The following KCTD3 variants were observed in gnomAD, a reference collection of about 807,000 sequenced individuals.
KCTD3 encodes the protein BTB/POZ domain-containing protein KCTD3.
A neutral mutation model predicts 85.8 loss-of-function variants in KCTD3; 41 were observed. That is an observed-to-expected ratio of 0.48 (90% CI 0.37 to 0.62). The LOEUF (loss-of-function observed/expected upper bound fraction) is 0.62, where lower values mean the gene tolerates loss of function less well. Ranked by LOEUF, KCTD3 falls within the 20% of genes least tolerant of loss-of-function variation. The pLI, the probability that KCTD3 is intolerant of heterozygous loss-of-function variation, is 0.00. For synonymous variants in KCTD3, 338 were observed against 345.4 expected, an observed-to-expected ratio of 0.98 and a Z score of 0.24; for missense variants, 724 against 989.9, an observed-to-expected ratio of 0.73 and a Z score of 3.60.
intron 14 of KCTD3, 31 bp from the exon 15 acceptor site, chr1:215,611,793 TA>T (rs770952641): frequency 2.8e-5 from 39 of 1,385,688 alleles, no homozygotes; most frequent in Non-Finnish European, 3.8e-5. Flanking sequence ...AAATTTTAAT[TA>T]ATTTTTTGAC....
In KCTD3 at chr1:215,607,191, A is replaced by G. The variant is rs115663014; in HGVS notation, c.1310-826A>G. The stretch of plus-strand genomic sequence containing the variant: ...TATTATGTATGTGTGTATATAAGAA[A>G]TTTTAGATACTTTCCTAATATTTAC... On this transcript the variant is annotated intron_variant, in intron 13 of 17. Coordinates refer to ENST00000259154, the MANE Select transcript of KCTD3 (RefSeq NM_016121.5). Among the ~76,000 whole-genome samples, 525 of 152,102 alleles carry G rather than the reference A, an allele frequency of 3.5e-3. 5 individuals carry two copies. Among genetic ancestry groups the G allele is most frequent in the South Asian group, 6.4e-3 (31 of 4,828 alleles).
intron 8 of KCTD3, among the ~76,000 whole-genome samples, chr1:215,581,787 A>G (rs979529643): frequency 6.6e-6 from 1 of 152,264 alleles, no homozygotes; most frequent in Non-Finnish European, 1.5e-5. Flanking sequence ...TTCCTCACAT[A>G]TAGTTAAATC....
In KCTD3 at chr1:215,573,730, T is replaced by G. The variant is rs534200987; in HGVS notation, c.84-56T>G. The G allele has an allele frequency of 2.1e-4, 210 of 1,021,030 alleles. No homozygotes were observed. In the African/African-American group the frequency reaches 3.1e-3, roughly 15 times the overall value. The allele number at this position is 1,021,030 out of a possible 1,614,324, so 63.2% of individuals were successfully genotyped here. ...CAGTGTATTAAAACAAGTTAACTAA[T>G]ACTGAAATTTCAAATCATGTTCTCA... On this transcript the variant is annotated intron_variant, in intron 1 of 17. Transcript: ENST00000259154.
intron 17 of KCTD3, among the ~76,000 whole-genome samples, chr1:215,619,828 C>T (rs951799075): frequency 3.3e-5 from 5 of 151,824 alleles, no homozygotes; most frequent in African/African-American, 1.2e-4. Context: ...TTTAGCTGTT[C>T]AAAAATTCAG....
In KCTD3 at chr1:215,602,402, G is replaced by A. The variant is rs375402444; in HGVS notation, c.1138+201G>A. Among the ~76,000 whole-genome samples the A allele has an allele frequency of 4.0e-5, 6 of 151,714 alleles. 1 individual carries two copies. The highest frequency in any genetic ancestry group is 1.5e-4 in the African/African-American group (6 of 41,376). On this transcript the variant is annotated intron_variant, in intron 12 of 17. Transcript: ENST00000259154. The stretch of plus-strand genomic sequence containing the variant: ...GACCAGTAAACAAACATAATTTGAG[G>A]TGGAAAATTGGAACTCCCCTTACGC...
intron 1 of KCTD3, among the ~76,000 whole-genome samples, chr1:215,572,047 A>G (rs1472993079): frequency 6.6e-6 from 1 of 152,198 alleles, no homozygotes; most frequent in East Asian, 1.9e-4. Context: ...TGTTACTGAC[A>G]CTGAGACTGA....
At chr1:215,576,269 G>A (rs375849456) in intron 4 of KCTD3, among the ~76,000 whole-genome samples, 4 of 151,492 alleles carry the variant, frequency 2.6e-5, no homozygotes, top group African/African-American at 9.7e-5. Flanking sequence ...GGGTTTCACT[G>A]TGTTGCCCAG....
intron 10 of KCTD3, among the ~76,000 whole-genome samples, chr1:215,595,902 G>GA: frequency 6.6e-6 from 1 of 152,100 alleles, no homozygotes; most frequent in East Asian, 1.9e-4. Context: ...AAGGAAAGAG[G>GA]AAAAAATTAA....
intron 9 of KCTD3, among the ~76,000 whole-genome samples, chr1:215,586,886 T>G (rs1012191472): frequency 1.3e-5 from 2 of 152,154 alleles, no homozygotes; most frequent in Non-Finnish European, 2.9e-5. Flanking sequence ...TTTCACCACT[T>G]TAAGTGAAAC....
chr1:215,609,637 A>G (rs891939501), intron 14 of KCTD3, among the ~76,000 whole-genome samples: 1 of 151,930 alleles, frequency 6.6e-6, no homozygotes, highest in Non-Finnish European at 1.5e-5. Flanking sequence ...TTTATTAACC[A>G]AAGTGCATGG....
chr1:215,583,832 T>C (rs534533355), intron 8 of KCTD3, among the ~76,000 whole-genome samples: 1 of 152,284 alleles, frequency 6.6e-6, no homozygotes, highest in South Asian at 2.1e-4. Context: ...GTCAGTATGG[T>C]GAGAACTCTG....
At chr1:215,590,077 C>T (rs1487608385) in intron 9 of KCTD3, among the ~76,000 whole-genome samples, 1 of 152,188 alleles carries the variant, frequency 6.6e-6, no homozygotes, top group Non-Finnish European at 1.5e-5. Context: ...AGGTTCTCCA[C>T]ATCCTAATCA....
chr1:215,576,357 C>T (rs1659581399), intron 4 of KCTD3, among the ~76,000 whole-genome samples: 1 of 151,632 alleles, frequency 6.6e-6, no homozygotes, highest in Non-Finnish European at 1.5e-5. Context: ...GAATGAGCCA[C>T]TACGCCCAGC....
Position 215,620,133 on chromosome 1 carries a change from T to G in KCTD3, c.1963T>G (p.Leu655Val). Residue 655 changes from leucine to valine, a missense_variant, in exon 18 of 18, where the codon TTA becomes GTA. By Grantham distance (32) the Leu-to-Val change is conservative (BLOSUM62 1). This residue lies in a region of KCTD3 where 222 missense variants were observed against 217.7 expected (regional missense o/e 1.02). Coordinates refer to ENST00000259154, the MANE Select transcript of KCTD3 (RefSeq NM_016121.5). ...CATGAGGCCTTACAGAGAAAGTCCT[T>G]TATTAGCAAGGGCAAGAAGGACTGA... is the stretch of plus-strand genomic sequence containing the variant. ...GSMRPYRESP[L>V]LARARRTESF... 6.2e-7 allele frequency: 1 copy of G among 1,613,720 alleles called. No homozygotes were observed. Among genetic ancestry groups the G allele is most frequent in the East Asian group, 2.2e-5 (1 of 44,840 alleles).
At chr1:215,581,123 G>C (rs1659806329) in intron 8 of KCTD3, 1 of 300,156 alleles carries the variant, frequency 3.3e-6, no homozygotes, top group African/African-American at 2.3e-5. Context: ...ATGCATGCCT[G>C]TAATCCCAGC....
At chr1:215,569,336 G>C (rs891294529) in intron 1 of KCTD3, among the ~76,000 whole-genome samples, 1 of 151,832 alleles carries the variant, frequency 6.6e-6, no homozygotes, top group African/African-American at 2.4e-5. Flanking sequence ...GACCAGGATG[G>C]TCTTGATCTC....
intron 9 of KCTD3, among the ~76,000 whole-genome samples, chr1:215,594,933 T>C (rs913844500): frequency 6.6e-6 from 1 of 152,218 alleles, no homozygotes; most frequent in Non-Finnish European, 1.5e-5. Flanking sequence ...TCACTAGTTC[T>C]TAAATATCGG....
At chr1:215,584,361 G>A (rs1231967321) in intron 8 of KCTD3, among the ~76,000 whole-genome samples, 1 of 152,070 alleles carries the variant, frequency 6.6e-6, no homozygotes, top group Admixed American at 6.5e-5. Context: ...ATTATACTTG[G>A]CCTGATTATT....
chr1:215,619,539 G>A (rs1044207035), intron 17 of KCTD3, among the ~76,000 whole-genome samples: 1 of 152,120 alleles, frequency 6.6e-6, no homozygotes, highest in Non-Finnish European at 1.5e-5. Context: ...AGCCTATTAT[G>A]TGATCAAGAA....
Sources: gnomAD v4.1 joint callset for allele counts (sites outside exome capture counted in the v4.1 genomes callset) on GRCh38, gnomAD v4.1.1 for gene constraint, gnomAD v4.1.1 regional missense constraint, MANE v1.5 for transcripts, NCBI Gene and HGNC (gene_info 2026-07-23, HGNC 2026-07-21) for gene names.